The following TBC1D21 variants were observed in gnomAD, a reference collection of about 807,000 sequenced individuals.
TBC1D21 encodes the protein TBC1 domain family member 21, also known as male germ cell Rab GTPase-activating protein.
Under a neutral mutation model 46.0 loss-of-function variants are expected in TBC1D21, and 38 were observed. The observed-to-expected ratio is 0.83, with a 90% CI of 0.64 to 1.08. The LOEUF is 1.08. Among genes scored for constraint, TBC1D21 ranks in the 50% least tolerant of loss-of-function variants. The pLI, the probability that TBC1D21 is intolerant of heterozygous loss-of-function variation, is 0.00. For synonymous variants in TBC1D21, 151 were observed against 157.2 expected (o/e 0.96, Z 0.29); for missense variants, 415 against 417.9 (o/e 0.99, Z 0.06).
the TBC1D21 span, among the ~76,000 whole-genome samples, chr15:73,909,304 G>A: frequency 1.3e-5 from 2 of 152,036 alleles, no homozygotes; most frequent in African/African-American, 2.4e-5. Context: ...CCTGGGAGGT[G>A]AGGTTGCAGT....
rs1481093557 is a variant in TBC1D21 at position 73,884,149 on chromosome 15, A to G, written c.273-2A>G. 3.1e-6 allele frequency: 5 copies of G among 1,613,602 alleles called. No homozygotes were observed. In the South Asian group the frequency reaches 4.4e-5, roughly 14 times the overall value. ...TGTTCAGCCTCAGTTCTGTTCTCAC[A>G]GGAAGAACTACAAGGCCTTATGCCA... On this transcript the variant is annotated splice_acceptor_variant, in intron 3 of 10. Coordinates refer to ENST00000300504, the MANE Select transcript of TBC1D21 (RefSeq NM_153356.3). LOFTEE classifies it high-confidence loss of function.
intron 1 of TBC1D21, 100 bp from the exon 2 acceptor site, chr15:73,881,299 C>A (rs1455581505): frequency 1.6e-5 from 13 of 833,964 alleles, no homozygotes; most frequent in Admixed American, 2.6e-5. Context: ...AGGCTGTGCG[C>A]TTTGATACAT....
At position 73,875,246 on chromosome 15, in the gene TBC1D21, C is replaced by CA. The variant is rs36042249; in HGVS notation, c.60+1492dup. Among the ~76,000 whole-genome samples, 438 of 102,592 alleles carry CA rather than the reference C, an allele frequency of 4.3e-3. 5 individuals are homozygous for CA. The highest frequency in any genetic ancestry group is 0.035 in the East Asian group (101 of 2,926). 67.3% of individuals were successfully genotyped at this position (102,592 alleles called of 152,430 possible). A position where few individuals can be genotyped will look rare whatever the true frequency, so the allele number is the denominator to read the frequency against. On this transcript the variant is annotated intron_variant, in intron 1 of 10. Transcript: ENST00000300504. The stretch of plus-strand genomic sequence containing the variant: ...CCTGGGCGACAGAGTGAGACTCCAT[C>CA]AAAAAAAAAAAAAAAGAAGAAGAAG...
chr15:73,896,177 T>A, the TBC1D21 span, among the ~76,000 whole-genome samples: 1 of 152,122 alleles, frequency 6.6e-6, no homozygotes, highest in Non-Finnish European at 1.5e-5. Flanking sequence ...ATGGAGGTAC[T>A]GGTAGTGGCA....
the TBC1D21 span, among the ~76,000 whole-genome samples, chr15:73,898,920 T>C: frequency 2.6e-4 from 36 of 138,080 alleles, 1 homozygote; most frequent in Admixed American, 2.2e-3. Context: ...CACTCATATA[T>C]ATACACACAT....
intron 8 of TBC1D21, 120 bp from the exon 9 acceptor site, chr15:73,887,500 G>A: frequency 1.3e-6 from 1 of 776,768 alleles, no homozygotes; most frequent in Non-Finnish European, 2.2e-6. Flanking sequence ...GAATGAGCAA[G>A]TCAGCAGCAA....
At chr15:73,908,018 C>T in the TBC1D21 span, 2 of 152,184 alleles carry the variant, frequency 1.3e-5, no homozygotes, top group Non-Finnish European at 2.9e-5. Flanking sequence ...AGAACAGAGG[C>T]TAGAATTATA....
intron 1 of TBC1D21, among the ~76,000 whole-genome samples, chr15:73,878,335 G>A (rs935052202): frequency 6.6e-6 from 1 of 152,244 alleles, no homozygotes; most frequent in South Asian, 2.1e-4. Flanking sequence ...CAGATTGGAG[G>A]CCACATTTGA....
chr15:73,902,006 GA>G, the TBC1D21 span, among the ~76,000 whole-genome samples: 1 of 151,974 alleles, frequency 6.6e-6, no homozygotes, highest in African/African-American at 2.4e-5. Context: ...TAGAGATGGG[GA>G]CTCACTTTGT....
the TBC1D21 span, among the ~76,000 whole-genome samples, chr15:73,900,221 A>T: frequency 6.6e-5 from 10 of 152,278 alleles, no homozygotes; most frequent in African/African-American, 2.2e-4. Context: ...CCCAGGCAAG[A>T]CTTTTGTGAG....
chr15:73,887,611 G>T lies in TBC1D21; in HGVS notation c.778-9G>T, dbSNP rs754398140. The T allele has an allele frequency of 6.2e-7, 1 of 1,613,454 alleles. No individual in the cohort carries two copies. The highest frequency in any genetic ancestry group is 8.5e-7 in the Non-Finnish European group (1 of 1,179,616). On this transcript the variant is annotated splice_polypyrimidine_tract_variant and intron_variant, in intron 8 of 10. Coordinates refer to ENST00000300504, the MANE Select transcript of TBC1D21 (RefSeq NM_153356.3). ...CACAGGGCCCAGACTGAGACGTCCT[G>T]ACCCACAGGTTCTGCTGACGGGGAA...
chr15:73,880,327 C>CACACACAT, intron 1 of TBC1D21, among the ~76,000 whole-genome samples: 1 of 151,784 alleles, frequency 6.6e-6, no homozygotes, highest in Non-Finnish European at 1.5e-5. Flanking sequence ...CACACACACA[C>CACACACAT]ACCCTTATCA....
intron 9 of TBC1D21, among the ~76,000 whole-genome samples, chr15:73,887,963 T>C (rs2068280896): frequency 6.6e-6 from 1 of 152,212 alleles, no homozygotes; most frequent in Non-Finnish European, 1.5e-5. Context: ...GCTATAACCA[T>C]CATCATCACC....
At chr15:73,880,720 G>T (rs568382018) in intron 1 of TBC1D21, among the ~76,000 whole-genome samples, 1 of 152,156 alleles carries the variant, frequency 6.6e-6, no homozygotes, top group Non-Finnish European at 1.5e-5. Context: ...GCAGTGAGCC[G>T]AGATCCACCA....
At chr15:73,900,936 A>G in the TBC1D21 span, among the ~76,000 whole-genome samples, 1 of 152,258 alleles carries the variant, frequency 6.6e-6, no homozygotes. Flanking sequence ...ACAGCAGTGT[A>G]TGTAAAACAC....
downstream of TBC1D21, among the ~76,000 whole-genome samples, chr15:73,892,777 G>A (rs1204512690): frequency 1.3e-5 from 2 of 152,246 alleles, no homozygotes; most frequent in East Asian, 1.9e-4. Flanking sequence ...CAGTAGGCCC[G>A]AGCAAAACTC....
intron 5 of TBC1D21, 52 bp from the exon 6 acceptor site, chr15:73,884,951 G>C: frequency 6.2e-7 from 1 of 1,608,690 alleles, no homozygotes; most frequent in African/African-American, 1.3e-5. Context: ...CTAAGCCAAG[G>C]GTCCAGGCTC....
At chr15:73,886,776 T>C (rs111435377) in intron 8 of TBC1D21, among the ~76,000 whole-genome samples, 164 bp downstream of exon 8, 4 of 152,376 alleles carry the variant, frequency 2.6e-5, no homozygotes, top group African/African-American at 9.6e-5. Flanking sequence ...TGGAGGAAGC[T>C]GGAGCATCAC....
chr15:73,884,986 C>T lies in TBC1D21; in HGVS notation c.479-17C>T, dbSNP rs770244559. 2.1e-6 allele frequency: 3 copies of T among 1,396,958 alleles called. No individual in the cohort carries two copies. Among genetic ancestry groups the T allele is most frequent in the East Asian group, 2.3e-5 (1 of 43,002 alleles). 86.5% of individuals were successfully genotyped at this position (1,396,958 alleles called of 1,614,324 possible). On this transcript the variant is annotated splice_polypyrimidine_tract_variant and intron_variant, in intron 5 of 10. Coordinates refer to ENST00000300504, the MANE Select transcript of TBC1D21 (RefSeq NM_153356.3). ...CTCCCACCCAGCCCCTCCTCCCCAA[C>T]CCCCTCTTCGCCACAGAGTACCAGC...
Sources: allele counts gnomAD v4.1 joint callset (sites outside exome capture counted in the v4.1 genomes callset), GRCh38; gene constraint gnomAD v4.1.1; transcripts MANE v1.5; gene names NCBI Gene and HGNC (gene_info 2026-07-23, HGNC 2026-07-21).